Variants in LATS2 observed in about 807,000 individuals in gnomAD.
The protein encoded by LATS2 is large tumor suppressor kinase 2.
Under a neutral mutation model 76.0 loss-of-function variants are expected in LATS2, and 24 were observed. The ratio of observed to expected loss-of-function variants is 0.32; its 90% CI spans 0.23 to 0.44. The LOEUF is 0.44. Ranked by LOEUF, LATS2 falls within the 20% of genes least tolerant of loss-of-function variation. LATS2 has a pLI of 1.00. For missense variants in LATS2, 1,286 were observed against 1,481.2 expected (o/e 0.87, Z 2.16); for synonymous variants, 692 against 635.4 (o/e 1.09, Z -1.34).
intron 1 of LATS2, among the ~76,000 whole-genome samples, chr13:21,054,666 G>A (rs1479944663): frequency 7.2e-5 from 11 of 152,316 alleles, no homozygotes; most frequent in African/African-American, 2.2e-4. Flanking sequence ...CAGGGCAGTC[G>A]AGACTGGACA....
rs1337078555 is a variant in LATS2 at position 21,061,549 on chromosome 13, T to G, written c.-408A>C. On this transcript the variant is annotated 5_prime_UTR_variant, in exon 1 of 8. Coordinates refer to ENST00000382592, the MANE Select transcript of LATS2 (RefSeq NM_014572.3). ...CGCGGTTCCAAAGCGCAGACCCAAG[T>G]GGGACATTCGCTACATTGTTGGCAT... 2 of 152,646 alleles carry G rather than the reference T, an allele frequency of 1.3e-5. No individual in the cohort carries two copies. Among genetic ancestry groups the G allele is most frequent in the Admixed American group, 1.3e-4 (2 of 15,282 alleles). The allele number at this position is 152,646 out of a possible 1,614,324, so 9.5% of individuals were successfully genotyped here. A position where few individuals can be genotyped will look rare whatever the true frequency, so the allele number is the denominator to read the frequency against.
At chr13:21,059,675 TTCTTG>T (rs1480722857) in intron 1 of LATS2, among the ~76,000 whole-genome samples, 1 of 144,932 alleles carries the variant, frequency 6.9e-6, no homozygotes, top group Non-Finnish European at 1.5e-5. Flanking sequence ...TTGTTCAAAA[TTCTTG>T]TCAGGTGGGG....
At chr13:20,992,966 G>A (rs756830452) in intron 2 of LATS2, among the ~76,000 whole-genome samples, 1 of 150,464 alleles carries the variant, frequency 6.6e-6, no homozygotes, top group Non-Finnish European at 1.5e-5. Context: ...AACCTGGGAG[G>A]TGGAGGCTGC....
chr13:20,986,835 C>T (rs1870165809), intron 4 of LATS2, among the ~76,000 whole-genome samples: 1 of 152,092 alleles, frequency 6.6e-6, no homozygotes, highest in South Asian at 2.1e-4. Flanking sequence ...TTGATCATTA[C>T]ATATCCTATG....
chr13:21,052,273 G>A (rs1873296525), intron 1 of LATS2, among the ~76,000 whole-genome samples: 1 of 152,200 alleles, frequency 6.6e-6, no homozygotes, highest in Non-Finnish European at 1.5e-5. Flanking sequence ...AAGGTTTAAT[G>A]AGGCCAGGAG....
rs746424000 is a variant in LATS2, at chr13:20,988,748, C to CG, written c.1031dup (p.Gln345AlafsTer17). The CG allele has an allele frequency of 6.3e-7, 1 of 1,576,278 alleles. No individual in the cohort carries two copies. The highest frequency in any genetic ancestry group is 8.6e-7 in the Non-Finnish European group (1 of 1,168,308). ...TCCGCGAGGGAGTGAGCAGGCTCTG[C>CG]GGGGGGCTGTCGCTGGCGAACACCT... On this transcript the variant is annotated frameshift_variant, in exon 4 of 8. Transcript: ENST00000382592. LOFTEE classifies it high-confidence loss of function.
At chr13:20,984,230 G>A (rs1345550347) in intron 4 of LATS2, among the ~76,000 whole-genome samples, 2 of 152,144 alleles carry the variant, frequency 1.3e-5, no homozygotes, top group African/African-American at 2.4e-5. Flanking sequence ...CACTGTGCCC[G>A]GCCAGTTTTG....
chr13:21,038,835 C>T (rs1375614523), intron 2 of LATS2, among the ~76,000 whole-genome samples: 3 of 152,084 alleles, frequency 2.0e-5, no homozygotes, highest in East Asian at 1.9e-4. Context: ...AAAAATTAGC[C>T]GGGCGTGGTG....
At chr13:20,975,685 T>C (rs1330775047) in intron 7 of LATS2, among the ~76,000 whole-genome samples, 1 of 152,226 alleles carries the variant, frequency 6.6e-6, no homozygotes, top group Admixed American at 6.5e-5. Context: ...AAGTTCTTTC[T>C]TTCTTTTTAT....
chr13:21,001,090 T>C (rs1470639025), intron 2 of LATS2, among the ~76,000 whole-genome samples: 3 of 152,228 alleles, frequency 2.0e-5, no homozygotes, highest in Non-Finnish European at 2.9e-5. Context: ...CAGATCACAG[T>C]TGTGTCCAAT....
chr13:21,061,094 G>A (rs1873628362), intron 1 of LATS2, among the ~76,000 whole-genome samples: 1 of 151,828 alleles, frequency 6.6e-6, no homozygotes, highest in South Asian at 2.1e-4. Flanking sequence ...CGGCTCCTCT[G>A]GAACCGGCTC....
chr13:21,060,468 G>C (rs969890275), intron 1 of LATS2, among the ~76,000 whole-genome samples: 1 of 152,226 alleles, frequency 6.6e-6, no homozygotes, highest in African/African-American at 2.4e-5. Flanking sequence ...CTCGGGCCGC[G>C]TCCCGCCAAG....
chr13:21,055,500 T>C (rs1159532614), intron 1 of LATS2, among the ~76,000 whole-genome samples: 4 of 152,254 alleles, frequency 2.6e-5, no homozygotes, highest in African/African-American at 7.2e-5. Context: ...ATGCTTAATA[T>C]AGGTGGCCTG....
intron 1 of LATS2, among the ~76,000 whole-genome samples, chr13:21,055,506 G>T (rs944533963): frequency 3.3e-5 from 5 of 152,212 alleles, no homozygotes; most frequent in Non-Finnish European, 7.3e-5. Flanking sequence ...AATATAGGTG[G>T]CCTGTGTAAA....
At chr13:20,978,337 G>T (rs1869720430) in intron 7 of LATS2, among the ~76,000 whole-genome samples, 1 of 152,078 alleles carries the variant, frequency 6.6e-6, no homozygotes, top group African/African-American at 2.4e-5. Context: ...GTGTCAGTTG[G>T]TATGTCCACA....
chr13:21,043,700 T>G (rs1872968022), intron 2 of LATS2, among the ~76,000 whole-genome samples: 1 of 152,242 alleles, frequency 6.6e-6, no homozygotes, highest in African/African-American at 2.4e-5. Flanking sequence ...GTATTTGTGT[T>G]TCTGTATTGG....
chr13:21,058,431 C>A (rs998057410), intron 1 of LATS2, among the ~76,000 whole-genome samples: 27 of 152,162 alleles, frequency 1.8e-4, no homozygotes, highest in African/African-American at 6.5e-4. Flanking sequence ...CCCTACCCCA[C>A]CCCTTGGTGG....
intron 2 of LATS2, among the ~76,000 whole-genome samples, chr13:21,029,122 A>C (rs895061430): frequency 3.9e-5 from 6 of 152,168 alleles, no homozygotes; most frequent in African/African-American, 1.4e-4. Context: ...CCAACAGAAG[A>C]TGAAAGAGGA....
intron 2 of LATS2, among the ~76,000 whole-genome samples, chr13:21,034,883 G>A (rs1411728377): frequency 6.6e-6 from 1 of 152,136 alleles, no homozygotes; most frequent in African/African-American, 2.4e-5. Flanking sequence ...ATTACAAATT[G>A]TAAAAATTTA....
Sources: gnomAD v4.1 joint callset for allele counts (sites outside exome capture counted in the v4.1 genomes callset) on GRCh38, gnomAD v4.1.1 for gene constraint, MANE v1.5 for transcripts, NCBI Gene and HGNC (gene_info 2026-07-23, HGNC 2026-07-21) for gene names.